The following LIMS1 variants were observed in gnomAD, a reference collection of about 807,000 sequenced individuals.
LIMS1 encodes LIM and senescent cell antigen-like-containing domain protein 1.
In LIMS1, 18 loss-of-function variants were observed where a neutral mutation model predicts 44.1. That is an observed-to-expected ratio of 0.41 (90% CI 0.28 to 0.61). The LOEUF is 0.61. Among genes scored for constraint, LIMS1 ranks in the 20% least tolerant of loss-of-function variants. LIMS1 has a pLI of 0.32. For synonymous variants in LIMS1, 93 were observed against 149.1 expected (o/e 0.62, Z 2.74); for missense variants, 201 against 422.0 (o/e 0.48, Z 4.59).
intron 1 of LIMS1, among the ~76,000 whole-genome samples, chr2:108,646,869 C>G (rs1690100899): frequency 6.6e-6 from 1 of 152,114 alleles, no homozygotes. Context: ...CTACAGGCGC[C>G]TGCCAACACA....
chr2:108,631,989 G>C (rs1465928356), intron 1 of LIMS1, among the ~76,000 whole-genome samples: 1 of 152,114 alleles, frequency 6.6e-6, no homozygotes, highest in Non-Finnish European at 1.5e-5. Flanking sequence ...TTTGTTTGTT[G>C]AGATGCAGTT....
chr2:108,593,713 G>C (rs889674439), intron 1 of LIMS1, among the ~76,000 whole-genome samples: 1 of 152,198 alleles, frequency 6.6e-6, no homozygotes, highest in Non-Finnish European at 1.5e-5. Flanking sequence ...GCTAGCAACA[G>C]CTGGGAAGAA....
At chr2:108,625,372 A>G (rs1688500729) in intron 1 of LIMS1, among the ~76,000 whole-genome samples, 1 of 152,174 alleles carries the variant, frequency 6.6e-6, no homozygotes, top group Non-Finnish European at 1.5e-5. Flanking sequence ...GTGGCCCACA[A>G]AGACAAAAAT....
At chr2:108,606,848 A>C (rs1687297057) in intron 1 of LIMS1, among the ~76,000 whole-genome samples, 1 of 152,196 alleles carries the variant, frequency 6.6e-6, no homozygotes, top group Non-Finnish European at 1.5e-5. Context: ...TGGAAACACA[A>C]GAGTGTGCTG....
At position 108,642,354 on chromosome 2, in the gene LIMS1, T is replaced by TG. The variant is rs908634148; in HGVS notation, c.33-17251_33-17250insG. On this transcript the variant is annotated intron_variant, in intron 1 of 9. Transcript: ENST00000544547. ...ACTAGTGTTTTTTGTTTTTTTTTTT[T>TG]TTTGTTTTTTGTTTTTTTTTTTTGA... 9.4e-4 allele frequency among the ~76,000 whole-genome samples: 10 copies of TG among 10,646 alleles called. 1 individual carries two copies. Among genetic ancestry groups the TG allele is most frequent in the African/African-American group, 1.6e-3 (10 of 6,434 alleles). 7.0% of individuals were successfully genotyped at this position (10,646 alleles called of 152,430 possible).
intron 1 of LIMS1, among the ~76,000 whole-genome samples, chr2:108,641,080 C>T (rs765879143): frequency 6.6e-6 from 1 of 152,144 alleles, no homozygotes; most frequent in Non-Finnish European, 1.5e-5. Context: ...TAATGTACCC[C>T]GGGCTCATCA....
chr2:108,659,104 A>G, intron 1 of LIMS1: 1 of 976,218 alleles, frequency 1.0e-6, no homozygotes, highest in Non-Finnish European at 1.2e-6. Flanking sequence ...CTACTTAAGC[A>G]GTTGTTTTCC....
chr2:108,564,782 T>C lies in LIMS1; in HGVS notation c.32+30188T>C, dbSNP rs1028757428. ...TGCAGCTATGTTGTCATGTTAGGGC[T>C]GAAGCTGGAATGGGGGTTGTCAAAG... On this transcript the variant is annotated intron_variant, in intron 1 of 9. Transcript: ENST00000544547. Among the ~76,000 whole-genome samples, 6 of 151,148 alleles carry C rather than the reference T, an allele frequency of 4.0e-5. 1 individual carries two copies. Among genetic ancestry groups the C allele is most frequent in the Admixed American group, 1.3e-4 (2 of 15,160 alleles).
At chr2:108,675,943 A>G (rs767129546) in exon 6 of LIMS1, 3 of 1,613,972 alleles carry the variant, frequency 1.9e-6, no homozygotes, top group Non-Finnish European at 2.5e-6. Context: ...TGCCATGATA[A>G]AATGGGGGTC....
chr2:108,536,379 G>A (rs1246521474), intron 1 of LIMS1, among the ~76,000 whole-genome samples: 1 of 152,202 alleles, frequency 6.6e-6, no homozygotes, highest in Non-Finnish European at 1.5e-5. Context: ...CTATGACTTT[G>A]ACTACTGCTG....
At chr2:108,664,438 G>T (rs1311266476) in intron 2 of LIMS1, among the ~76,000 whole-genome samples, 1 of 152,186 alleles carries the variant, frequency 6.6e-6, no homozygotes, top group Non-Finnish European at 1.5e-5. Flanking sequence ...TTCCACAAGC[G>T]GTGGGACCCC....
rs184978933 is a variant in LIMS1 at position 108,542,344 on chromosome 2, C to G, written c.32+7750C>G. Among the ~76,000 whole-genome samples, 22 of 152,326 alleles carry G rather than the reference C, an allele frequency of 1.4e-4. No individual in the cohort carries two copies. The East Asian group carries it at 4.0e-3, about 28-fold the overall frequency. On this transcript the variant is annotated intron_variant, in intron 1 of 9. Coordinates refer to ENST00000544547, the Ensembl canonical transcript of LIMS1. ...CTTCTCTTAATTACCTACTTCCACA[C>G]AAATACCTTAAGGATATTGTTTTAT... is the stretch of plus-strand genomic sequence containing the variant.
At chr2:108,646,787 G>GCTC (rs765429912) in intron 1 of LIMS1, among the ~76,000 whole-genome samples, 1 of 152,130 alleles carries the variant, frequency 6.6e-6, no homozygotes, top group Non-Finnish European at 1.5e-5. Flanking sequence ...CTCACTGCAA[G>GCTC]CTCCGCCTCC....
chr2:108,564,262 A>G (rs1422850002), intron 1 of LIMS1, among the ~76,000 whole-genome samples: 1 of 152,106 alleles, frequency 6.6e-6, no homozygotes, highest in Non-Finnish European at 1.5e-5. Flanking sequence ...TAAGATCTGT[A>G]CTTCTTTTTA....
intron 1 of LIMS1, among the ~76,000 whole-genome samples, chr2:108,616,364 A>C (rs1275790650): frequency 6.6e-6 from 1 of 152,000 alleles, no homozygotes; most frequent in African/African-American, 2.4e-5. Flanking sequence ...GGCACTCGCC[A>C]CCACGCCCAG....
chr2:108,654,205 C>T (rs1263185283), intron 1 of LIMS1, among the ~76,000 whole-genome samples: 3 of 151,914 alleles, frequency 2.0e-5, no homozygotes, highest in African/African-American at 7.3e-5. Flanking sequence ...AGTTTCCTTT[C>T]GCATTGCTAA....
At chr2:108,551,494 CACA>C (rs1684701557) in intron 1 of LIMS1, among the ~76,000 whole-genome samples, 1 of 53,286 alleles carries the variant, frequency 1.9e-5, no homozygotes, top group Non-Finnish European at 3.6e-5. Context: ...CGCGCGCGCA[CACA>C]CACACACACA....
chr2:108,649,777 A>T (rs931346471), intron 1 of LIMS1, among the ~76,000 whole-genome samples: 5 of 152,172 alleles, frequency 3.3e-5, no homozygotes, highest in African/African-American at 1.2e-4. Flanking sequence ...GTGAGAACAC[A>T]TGGACACAGG....
chr2:108,666,570 A>G (rs1691774020), intron 2 of LIMS1, among the ~76,000 whole-genome samples: 1 of 124,818 alleles, frequency 8.0e-6, no homozygotes, highest in Admixed American at 8.8e-5. Flanking sequence ...AGGTGGGAGG[A>G]TTGCTTGAAG....
Sources: allele counts gnomAD v4.1 joint callset (sites outside exome capture counted in the v4.1 genomes callset), GRCh38; gene constraint gnomAD v4.1.1; transcripts MANE v1.5; gene names NCBI Gene and HGNC (gene_info 2026-07-23, HGNC 2026-07-21).